The following STUM variants were observed in gnomAD, a reference collection of about 807,000 sequenced individuals.
The protein encoded by STUM is protein stum homolog.
Under a neutral mutation model 15.3 loss-of-function variants are expected in STUM, and 8 were observed. The ratio of observed to expected loss-of-function variants is 0.52; its 90% confidence interval spans 0.31 to 0.94. The LOEUF is 0.94. Ranked by LOEUF, STUM falls within the 40% of genes least tolerant of loss-of-function variation. STUM has a pLI of 0.05. For synonymous variants in STUM, 78 were observed against 88.7 expected, an observed-to-expected ratio of 0.88 and a Z score of 0.68; for missense variants, 142 against 204.9, an observed-to-expected ratio of 0.69 and a Z score of 1.87.
intron 1 of STUM, among the ~76,000 whole-genome samples, chr1:226,571,092 A>G (rs1667703252): frequency 1.3e-5 from 2 of 152,044 alleles, no homozygotes; most frequent in Non-Finnish European, 2.9e-5. Flanking sequence ...TTAGCCAGGC[A>G]TGGTGGTGGG....
chr1:226,566,756 T>G (rs1667632361), intron 1 of STUM, among the ~76,000 whole-genome samples: 1 of 152,234 alleles, frequency 6.6e-6, no homozygotes, highest in Non-Finnish European at 1.5e-5. Flanking sequence ...ACATCTTATA[T>G]TTGCTGGACC....
At chr1:226,580,081 C>T (rs761780777) in intron 1 of STUM, among the ~76,000 whole-genome samples, 2 of 151,876 alleles carry the variant, frequency 1.3e-5, no homozygotes, top group Non-Finnish European at 2.9e-5. Flanking sequence ...AACTAGGAGG[C>T]GGTGTTAGCA....
Position 226,548,769 on chromosome 1 carries a change from C to A in STUM, c.-136C>A. Reference sequence around the variant, plus strand: ...GCCGGAGGGCGGGAGTCTCCGCGAGCCGCGCGGCGCACGGAGCACGGCGGC... The same window carrying A: ...GCCGGAGGGCGGGAGTCTCCGCGAGACGCGCGGCGCACGGAGCACGGCGGC... On this transcript the variant is annotated 5_prime_UTR_variant, in exon 1 of 4. Transcript: ENST00000366788. 1 of 655,414 alleles carries A rather than the reference C, an allele frequency of 1.5e-6. No homozygotes were observed. The highest frequency in any genetic ancestry group is 2.1e-6 in the Non-Finnish European group (1 of 478,754). 40.6% of individuals were successfully genotyped at this position (655,414 alleles called of 1,614,324 possible).
chr1:226,559,180 A>G (rs1667497461), intron 1 of STUM, among the ~76,000 whole-genome samples: 1 of 152,228 alleles, frequency 6.6e-6, no homozygotes, highest in Non-Finnish European at 1.5e-5. Flanking sequence ...CCTGTTGAGC[A>G]GAGCACTCAG....
intron 1 of STUM, among the ~76,000 whole-genome samples, chr1:226,558,669 ATGTG>A (rs1667491013): frequency 6.6e-6 from 1 of 152,160 alleles, no homozygotes; most frequent in African/African-American, 2.4e-5. Flanking sequence ...TGTGGACTGA[ATGTG>A]TGTGTGGGTG....
rs1293911000 is a variant in STUM, at chr1:226,567,749, G to T, written c.202+18643G>T. 1.3e-5 allele frequency among the ~76,000 whole-genome samples: 2 copies of T among 152,138 alleles called. No individual in the cohort carries two copies. Among genetic ancestry groups the T allele is most frequent in the African/African-American group, 2.4e-5 (1 of 41,414 alleles). The stretch of plus-strand genomic sequence containing the variant: ...CGTGAGATGGATGATTCTGCCGAGG[G>T]GTCTCTAGTGAGCAGGTCACGCATT... On this transcript the variant is annotated intron_variant, in intron 1 of 3. Transcript: ENST00000366788. This position sits in a 1 kb window ranked among gnomAD's most constrained non-coding sequence, Gnocchi z 4.5.
intron 1 of STUM, among the ~76,000 whole-genome samples, chr1:226,575,486 T>A (rs1667794761): frequency 6.6e-6 from 1 of 152,194 alleles, no homozygotes; most frequent in Admixed American, 6.5e-5. Context: ...TGATGGTGGC[T>A]GGCCAGGTCC....
At chr1:226,559,998 G>A (rs188130821) in intron 1 of STUM, among the ~76,000 whole-genome samples, 1 of 151,602 alleles carries the variant, frequency 6.6e-6, no homozygotes, top group Non-Finnish European at 1.5e-5. Context: ...AATTAGCCAG[G>A]TATGATGGCG....
intron 1 of STUM, among the ~76,000 whole-genome samples, chr1:226,564,859 A>G (rs562117808): frequency 2.9e-4 from 44 of 152,294 alleles, no homozygotes; most frequent in Admixed American, 2.3e-3. Flanking sequence ...GATGCATCTC[A>G]TGCATTCCGG....
In STUM at chr1:226,573,072, C is replaced by T. The variant is rs769888389; in HGVS notation, c.203-23730C>T. On this transcript the variant is annotated intron_variant, in intron 1 of 3. Transcript: ENST00000366788. ...TTGGGGTTTGGTTTGTTGTTGTTTT[C>T]ATCCAACTTTCCGGAGTTGGTCCAG... Among the ~76,000 whole-genome samples, 81 of 152,320 alleles carry T rather than the reference C, an allele frequency of 5.3e-4. 1 individual carries two copies. The highest frequency in any genetic ancestry group is 1.1e-3 in the Non-Finnish European group (74 of 68,038).
Position 226,568,000 on chromosome 1 carries a change from C to T in STUM, c.202+18894C>T, listed in dbSNP as rs672572. Among the ~76,000 whole-genome samples the T allele has an allele frequency of 0.2, 29,996 of 152,082 alleles. 4,323 individuals carry two copies. The highest frequency in any genetic ancestry group is 0.41 in the African/African-American group (16,998 of 41,474). The stretch of plus-strand genomic sequence containing the variant: ...CCTTGGAAGCCAAACCTGAGACACC[C>T]GGGAGAGGTCATGTGCGTGCCCGGG... On this transcript the variant is annotated intron_variant, in intron 1 of 3. Coordinates refer to ENST00000366788, the MANE Select transcript of STUM (RefSeq NM_001003665.4). This position sits in a 1 kb window ranked among gnomAD's most constrained non-coding sequence, Gnocchi z 4.5.
In STUM at chr1:226,549,853, G is replaced by T. The variant is rs1420542732; in HGVS notation, c.202+747G>T. ...TGCAGGACTCCGGCAGCCGGCAGGGGTTCTGGTGGCATCTATGTCCCACGT... is the reference window on the plus strand; with the variant it reads ...TGCAGGACTCCGGCAGCCGGCAGGGTTTCTGGTGGCATCTATGTCCCACGT... On this transcript the variant is annotated intron_variant, in intron 1 of 3. Coordinates refer to ENST00000366788, the MANE Select transcript of STUM (RefSeq NM_001003665.4). The surrounding 1 kb of genome is among the most constrained non-coding windows in gnomAD (Gnocchi z 6.8). 6.6e-6 allele frequency among the ~76,000 whole-genome samples: 1 copy of T among 152,240 alleles called. No individual in the cohort carries two copies. Among genetic ancestry groups the T allele is most frequent in the Non-Finnish European group, 1.5e-5 (1 of 68,042 alleles).
chr1:226,555,413 T>A (rs1201602692), intron 1 of STUM, among the ~76,000 whole-genome samples: 1 of 152,222 alleles, frequency 6.6e-6, no homozygotes. Flanking sequence ...CCTGGTCTTC[T>A]TCCCCAGACC....
chr1:226,551,316 A>G (rs1199683724), intron 1 of STUM, among the ~76,000 whole-genome samples: 1 of 152,178 alleles, frequency 6.6e-6, no homozygotes, highest in Non-Finnish European at 1.5e-5. Flanking sequence ...TGCAGAGCTG[A>G]GCACTGGTCC....
chr1:226,553,097 A>G (rs978842305), intron 1 of STUM, among the ~76,000 whole-genome samples: 1 of 152,242 alleles, frequency 6.6e-6, no homozygotes, highest in Non-Finnish European at 1.5e-5. Flanking sequence ...GTTTTTCAAC[A>G]AAGTAAGGGA....
At chr1:226,601,980 ATC>A (rs1193264926) in intron 3 of STUM, 24 bp from the exon 4 acceptor site, 32 of 1,608,772 alleles carry the variant, frequency 2.0e-5, no homozygotes, top group Non-Finnish European at 2.5e-5. Flanking sequence ...GTGTCTAACC[ATC>A]TCTCCTTTGC....
rs1293210053 is a variant in STUM at position 226,603,200 on chromosome 1, T to C, written c.*1160T>C. On this transcript the variant is annotated 3_prime_UTR_variant, in exon 4 of 4. Coordinates refer to ENST00000366788, the MANE Select transcript of STUM (RefSeq NM_001003665.4). ...TGAAAATCCTGCTTGCAAACAGATG[T>C]GTTAGAGGGTGAAATTGTCGGCATT... 2 of 152,144 alleles carry C rather than the reference T, an allele frequency of 1.3e-5. No individual in the cohort carries two copies. The highest frequency in any genetic ancestry group is 2.9e-5 in the Non-Finnish European group (2 of 68,040). 9.4% of individuals were successfully genotyped at this position (152,144 alleles called of 1,614,324 possible).
At chr1:226,597,054 C>A in intron 2 of STUM, 73 bp downstream of exon 2, 1 of 1,429,838 alleles carries the variant, frequency 7.0e-7, no homozygotes, top group Non-Finnish European at 9.9e-7. Flanking sequence ...GGGAGACCTT[C>A]ATGTCTGGCC....
In STUM at chr1:226,560,767, A is replaced by G. The variant is rs567879713; in HGVS notation, c.202+11661A>G. On this transcript the variant is annotated intron_variant, in intron 1 of 3. Transcript: ENST00000366788. ...AGAATGGCTGTGGTATAATGCTCCC[A>G]TTTTGATTTTCTCTGTTAGCAGACT... 2.6e-5 allele frequency among the ~76,000 whole-genome samples: 4 copies of G among 152,252 alleles called. No homozygotes were observed. The East Asian group carries it at 7.7e-4, about 29-fold the overall frequency.
Sources: gnomAD v4.1 joint callset for allele counts (sites outside exome capture counted in the v4.1 genomes callset) on GRCh38, gnomAD v4.1.1 for gene constraint, Gnocchi (gnomAD v3.1) non-coding constraint, MANE v1.5 for transcripts, NCBI Gene and HGNC (gene_info 2026-07-23, HGNC 2026-07-21) for gene names.